The following DCC variants were observed in gnomAD, a reference collection of about 807,000 sequenced individuals.
The protein encoded by DCC is netrin receptor DCC.
A neutral mutation model predicts 172.5 loss-of-function variants in DCC; 58 were observed. The ratio of observed to expected loss-of-function variants is 0.34; its 90% confidence interval spans 0.27 to 0.42. The LOEUF (loss-of-function observed/expected upper bound fraction) is 0.42, where lower values mean the gene tolerates loss of function less well. DCC is among the 10% of genes least tolerant of loss of function. The probability of loss-of-function intolerance (pLI) is 1.00; values close to 1 mark genes in which losing one functional copy is unlikely to be tolerated. For missense variants in DCC, 1,740 were observed against 1,791.0 expected (o/e 0.97, Z 0.51); for synonymous variants, 709 against 644.5 (o/e 1.10, Z -1.52).
At chr18:52,675,306 C>G (rs1253919990) in intron 1 of DCC, among the ~76,000 whole-genome samples, 1 of 152,148 alleles carries the variant, frequency 6.6e-6, no homozygotes, top group Non-Finnish European at 1.5e-5. Flanking sequence ...CCAACTGCCT[C>G]GGCCTCCCAA....
At chr18:52,854,628 C>A (rs16955724) in intron 2 of DCC, among the ~76,000 whole-genome samples, 4,068 of 152,306 alleles carry the variant, frequency 0.027, 162 homozygotes, top group African/African-American at 0.09. Context: ...GCACCCTAGA[C>A]ATGCCACAGG....
intron 9 of DCC, among the ~76,000 whole-genome samples, chr18:53,197,721 C>T (rs2055468368): frequency 6.6e-6 from 1 of 151,894 alleles, no homozygotes; most frequent in East Asian, 1.9e-4. Context: ...AATTAAGTTC[C>T]CAAGATTTTT....
intron 1 of DCC, among the ~76,000 whole-genome samples, chr18:52,672,955 TG>T (rs1249579696): frequency 6.6e-6 from 1 of 152,146 alleles, no homozygotes; most frequent in Admixed American, 6.5e-5. Flanking sequence ...CCCAGCTACT[TG>T]GGAGGTTAAA....
In DCC at chr18:52,879,412, C is replaced by CT. The variant is rs71175533; in HGVS notation, c.413-26603dup. Among the ~76,000 whole-genome samples the CT allele has an allele frequency of 2.3e-3, 142 of 62,318 alleles. 22 individuals carry two copies. The highest frequency in any genetic ancestry group is 5.1e-3 in the African/African-American group (74 of 14,492). The allele number at this position is 62,318 out of a possible 152,430, so 40.9% of individuals were successfully genotyped here. ...AATTTCTAGCCCATATGTTGTTTGGCTTTTTTTTTTTTTTTTTTTTTTTTT... is the reference window on the plus strand; with the variant it reads ...AATTTCTAGCCCATATGTTGTTTGGCTTTTTTTTTTTTTTTTTTTTTTTTTT... On this transcript the variant is annotated intron_variant, in intron 2 of 28. Coordinates refer to ENST00000442544, the MANE Select transcript of DCC (RefSeq NM_005215.4).
chr18:52,475,038 C>T (rs557765370), intron 1 of DCC, among the ~76,000 whole-genome samples: 1 of 152,320 alleles, frequency 6.6e-6, no homozygotes, highest in Non-Finnish European at 1.5e-5. Flanking sequence ...GAGAACTGAT[C>T]ATAATTTCAG....
chr18:53,097,294 A>G (rs564011451), intron 7 of DCC, among the ~76,000 whole-genome samples: 1 of 152,306 alleles, frequency 6.6e-6, no homozygotes, highest in South Asian at 2.1e-4. Flanking sequence ...TGGGCTGATC[A>G]CTTCCCGGTT....
intron 1 of DCC, among the ~76,000 whole-genome samples, chr18:52,394,166 C>T (rs1986131234): frequency 6.6e-6 from 1 of 152,082 alleles, no homozygotes; most frequent in Non-Finnish European, 1.5e-5. Flanking sequence ...ATCTCAACTC[C>T]TATACCCAAG....
chr18:53,441,182 C>T (rs1219526024), intron 22 of DCC, among the ~76,000 whole-genome samples: 2 of 152,178 alleles, frequency 1.3e-5, no homozygotes, highest in East Asian at 3.9e-4. Context: ...CTCCAAGGTA[C>T]ATGGGTCCTC....
intron 1 of DCC, among the ~76,000 whole-genome samples, chr18:52,557,590 A>G (rs1317192370): frequency 2.0e-5 from 3 of 152,226 alleles, no homozygotes; most frequent in Non-Finnish European, 4.4e-5. Flanking sequence ...TCAACTACAT[A>G]GAAACTTTAG....
At chr18:53,020,746 A>T (rs891001099) in intron 5 of DCC, among the ~76,000 whole-genome samples, 1 of 152,154 alleles carries the variant, frequency 6.6e-6, no homozygotes, top group African/African-American at 2.4e-5. Flanking sequence ...TGAGATCTGT[A>T]GGGTATGGTG....
intron 5 of DCC, among the ~76,000 whole-genome samples, chr18:52,983,065 C>T (rs2041236234): frequency 6.6e-6 from 1 of 152,102 alleles, no homozygotes; most frequent in Non-Finnish European, 1.5e-5. Context: ...TATAAAGTGT[C>T]TGGGGTTGGA....
chr18:52,510,750 G>C (rs997071478), intron 1 of DCC, among the ~76,000 whole-genome samples: 1 of 151,966 alleles, frequency 6.6e-6, no homozygotes, highest in Non-Finnish European at 1.5e-5. Flanking sequence ...AAATATCATC[G>C]GTCTTCCCTG....
At chr18:52,782,556 A>T (rs1181993711) in intron 2 of DCC, among the ~76,000 whole-genome samples, 2 of 152,176 alleles carry the variant, frequency 1.3e-5, no homozygotes, top group East Asian at 3.9e-4. Context: ...TCTTGCATAC[A>T]TACTCACCCT....
chr18:52,518,370 A>G lies in DCC; in HGVS notation c.91+177492A>G, dbSNP rs1568209346. ...TTGGACCTTGCAAGTTGCAATATGT[A>G]TTTACAAGGAAGAGTAGTGGTTCAA... On this transcript the variant is annotated intron_variant, in intron 1 of 28. Transcript: ENST00000442544. Among the ~76,000 whole-genome samples, 4 of 152,326 alleles carry G rather than the reference A, an allele frequency of 2.6e-5. No individual in the cohort carries two copies. The East Asian group carries it at 5.8e-4, about 22-fold the overall frequency.
At chr18:52,990,993 G>C (rs578173120) in intron 5 of DCC, among the ~76,000 whole-genome samples, 11 of 152,236 alleles carry the variant, frequency 7.2e-5, no homozygotes, top group African/African-American at 2.4e-4. Context: ...GCCAAGACAG[G>C]TTACATAAAT....
chr18:52,777,843 TTAAG>T (rs1049852903), intron 2 of DCC, among the ~76,000 whole-genome samples: 3 of 152,064 alleles, frequency 2.0e-5, no homozygotes, highest in Non-Finnish European at 2.9e-5. Flanking sequence ...GCAAATTTTT[TTAAG>T]TAAGAAATGC....
intron 1 of DCC, among the ~76,000 whole-genome samples, chr18:52,625,457 T>C (rs965861724): frequency 6.6e-6 from 1 of 152,322 alleles, no homozygotes; most frequent in Middle Eastern, 3.4e-3. Flanking sequence ...TTGCTACTAT[T>C]GGGGTCAATC....
chr18:53,072,844 C>T (rs949056679), intron 7 of DCC, among the ~76,000 whole-genome samples: 9 of 152,146 alleles, frequency 5.9e-5, no homozygotes, highest in Non-Finnish European at 1.3e-4. Flanking sequence ...AATTTAAGTA[C>T]AAATCACAGC....
At chr18:52,373,484 T>C (rs935625153) in intron 1 of DCC, among the ~76,000 whole-genome samples, 4 of 152,202 alleles carry the variant, frequency 2.6e-5, no homozygotes, top group Admixed American at 2.0e-4. Flanking sequence ...TGGAATAATT[T>C]TGCTGTATAT....
Sources: gnomAD v4.1 joint callset for allele counts (sites outside exome capture counted in the v4.1 genomes callset) on GRCh38, gnomAD v4.1.1 for gene constraint, MANE v1.5 for transcripts, NCBI Gene and HGNC (gene_info 2026-07-23, HGNC 2026-07-21) for gene names.